The following TRAPPC14 variants were observed in gnomAD, a reference collection of about 807,000 sequenced individuals.
TRAPPC14 encodes the protein microtubule associated protein 11.
A neutral mutation model predicts 56.6 loss-of-function variants in TRAPPC14; 24 were observed. That is an observed-to-expected ratio of 0.42 (90% confidence interval 0.31 to 0.60). TRAPPC14 has a LOEUF of 0.60. Ranked by LOEUF, TRAPPC14 falls within the 20% of genes least tolerant of loss-of-function variation. TRAPPC14 has a pLI of 0.14. For missense variants in TRAPPC14, 615 were observed against 790.3 expected (o/e 0.78, Z 2.66); for synonymous variants, 377 against 347.0 (o/e 1.09, Z -0.96).
At chr7:100,156,785 G>T in intron 6 of TRAPPC14, 60 bp downstream of exon 6, 2 of 1,604,062 alleles carry the variant, frequency 1.2e-6, no homozygotes, top group Non-Finnish European at 1.7e-6. Context: ...TCAGCTGCCT[G>T]GTCTTTCCCT....
rs1798846952 is a variant in TRAPPC14 at position 100,155,072 on chromosome 7, A to G, written c.1682T>C (p.Leu561Ser). Residue 561 changes from leucine (L) to serine (S), a missense_variant, in exon 11 of 11, where the codon TTG becomes TCG. Coordinates refer to ENST00000316937, the MANE Select transcript of TRAPPC14 (RefSeq NM_018275.5). ...PLYLPPDKAV[L>S]SLDKIAKREC... ...GCGCTTGGCAATCTTGTCCAGAGAC[A>G]ACACAGCCTTGTCCGGGGGCAGGTA... 1 of 1,613,974 alleles carries G rather than the reference A, an allele frequency of 6.2e-7. No individual in the cohort carries two copies. Among genetic ancestry groups the G allele is most frequent in the Admixed American group, 1.7e-5 (1 of 59,996 alleles).
chr7:100,155,861 C>T (rs758299762), intron 8 of TRAPPC14, 36 bp from the exon 9 acceptor site: 14 of 1,613,832 alleles, frequency 8.7e-6, no homozygotes, highest in Admixed American at 5.0e-5. Context: ...AACACTACAG[C>T]GTTCCTCATT....
Position 100,157,168 on chromosome 7 carries a change from T to A in TRAPPC14, c.771A>T (p.Arg257=). ...SQEEISIWDI[R]ILPNFNASYL... is the part of the protein sequence containing the mutation. ...AACTGGCGTTGAAGTTGGGGAGGAT[T>A]CGGATATCCCAGATGGAGATTTCCT... Residue 257 remains arginine (R), a synonymous_variant, in exon 5 of 11, where the codon CGA becomes CGT. Coordinates refer to ENST00000316937, the MANE Select transcript of TRAPPC14 (RefSeq NM_018275.5). 1 of 1,614,178 alleles carries A rather than the reference T, an allele frequency of 6.2e-7. No individual in the cohort carries two copies.
At chr7:100,156,117 C>G (rs906740105) in intron 8 of TRAPPC14, 7 of 619,936 alleles carry the variant, frequency 1.1e-5, no homozygotes, top group Non-Finnish European at 2.0e-5. Context: ...GGTCACACAG[C>G]TAGTAAAGGA....
At position 100,156,830 on chromosome 7, in the gene TRAPPC14, G is replaced by A. The variant is rs1216103671; in HGVS notation, c.993+15C>T. The A allele has an allele frequency of 7.4e-6, 12 of 1,613,568 alleles. No homozygotes were observed. The Admixed American group carries it at 1.8e-4, about 25-fold the overall frequency. ...TTATCACTTTTCTTTGAACACACCAGCCCCTTATGCTCACCTCCTTGGCCC... is the reference window on the plus strand; with the variant it reads ...TTATCACTTTTCTTTGAACACACCAACCCCTTATGCTCACCTCCTTGGCCC... On this transcript the variant is annotated intron_variant, in intron 6 of 10. Transcript: ENST00000316937.
Position 100,157,105 on chromosome 7 carries a change from C to T in TRAPPC14, c.834G>A (p.Val278=), listed in dbSNP as rs771516153. 6.2e-7 allele frequency: 1 copy of T among 1,614,198 alleles called. No individual in the cohort carries two copies. The highest frequency in any genetic ancestry group is 1.1e-5 in the South Asian group (1 of 91,088). ...TCCCAGGACCTCACCAGACATTGTC[C>T]ACCAGCAGCACAGAGCCATCGGGCA... The part of the protein sequence containing the change: ...PVMPDGSVLL[V]DNVCHQSGEV... The change falls in exon 5 of 11, where the codon GTG becomes GTA. Residue 278 remains valine (V), a synonymous_variant. Coordinates refer to ENST00000316937, the MANE Select transcript of TRAPPC14 (RefSeq NM_018275.5).
At chr7:100,156,601 G>A (rs776246076) in intron 7 of TRAPPC14, 33 bp downstream of exon 7, 20 of 1,611,232 alleles carry the variant, frequency 1.2e-5, no homozygotes, top group Admixed American at 5.0e-5. Flanking sequence ...CCACAAAGGC[G>A]AACGCCACGA....
In TRAPPC14 at chr7:100,154,847, C is replaced by G. The variant is rs1798839096; in HGVS notation, c.*164G>C. On this transcript the variant is annotated 3_prime_UTR_variant, in exon 11 of 11. Coordinates refer to ENST00000316937, the MANE Select transcript of TRAPPC14 (RefSeq NM_018275.5). ...CCAGCCATGCCCGCCCACTTCACAGCTTCTTCCCCCATCCCTCATCAGCAG... is the reference window on the plus strand; with the variant it reads ...CCAGCCATGCCCGCCCACTTCACAGGTTCTTCCCCCATCCCTCATCAGCAG... 1 of 681,472 alleles carries G rather than the reference C, an allele frequency of 1.5e-6. No individual in the cohort carries two copies. The highest frequency in any genetic ancestry group is 2.6e-6 in the Non-Finnish European group (1 of 392,124). 42.2% of individuals were successfully genotyped at this position (681,472 alleles called of 1,614,324 possible). A position where few individuals can be genotyped will look rare whatever the true frequency, so the allele number is the denominator to read the frequency against.
Position 100,158,311 on chromosome 7 carries a change from G to C in TRAPPC14, c.189C>G (p.Gly63=). The change falls in exon 1 of 11, where the codon GGC becomes GGG. Residue 63 remains glycine (G), a synonymous_variant. Coordinates refer to ENST00000316937, the MANE Select transcript of TRAPPC14 (RefSeq NM_018275.5). ...AGGCTCCTCTGGAGCCCAAGCCCGG[G>C]CCGCCCCCGGTGCCGGACCCCGCAC... ...RGGAGSGTGG[G]PGLGSRGAWA... is the part of the protein sequence containing the mutation. 1 of 1,462,604 alleles carries C rather than the reference G, an allele frequency of 6.8e-7. No homozygotes were observed. The highest frequency in any genetic ancestry group is 9.0e-7 in the Non-Finnish European group (1 of 1,112,910). The allele number at this position is 1,462,604 out of a possible 1,614,324, so 90.6% of individuals were successfully genotyped here.
chr7:100,155,167 G>T lies in TRAPPC14; in HGVS notation c.1590-3C>A. The T allele has an allele frequency of 6.2e-7, 1 of 1,610,514 alleles. No individual in the cohort carries two copies. Among genetic ancestry groups the T allele is most frequent in the South Asian group, 1.1e-5 (1 of 90,738 alleles). On this transcript the variant is annotated splice_polypyrimidine_tract_variant and splice_region_variant and intron_variant, in intron 10 of 10. Coordinates refer to ENST00000316937, the MANE Select transcript of TRAPPC14 (RefSeq NM_018275.5). Reference sequence around the variant, plus strand: ...TGCGCTCCATCACACTGCCCGACCTGGGGGAAGGCAGAGGCTGTGGGCGCT... The same window carrying T: ...TGCGCTCCATCACACTGCCCGACCTTGGGGAAGGCAGAGGCTGTGGGCGCT...
At position 100,158,361 on chromosome 7, in the gene TRAPPC14, GA is replaced by G; in HGVS notation, c.138del (p.Leu47CysfsTer125). ...CCGCCCCGGCAGCGCAACACCAGCA[GA>G]AAACGGACAGTCTCCCCCAAGTACA... ...NHLYLGETVR[F>X]LLVLRCRGGA... On this transcript the variant is annotated frameshift_variant, in exon 1 of 11. Coordinates refer to ENST00000316937, the MANE Select transcript of TRAPPC14 (RefSeq NM_018275.5). LOFTEE classifies it high-confidence loss of function. The G allele has an allele frequency of 6.7e-7, 1 of 1,490,238 alleles. No homozygotes were observed. Among genetic ancestry groups the G allele is most frequent in the Admixed American group, 2.3e-5 (1 of 42,842 alleles). 92.3% of individuals were successfully genotyped at this position (1,490,238 alleles called of 1,614,324 possible).
rs1219577883 is a variant in TRAPPC14 at position 100,157,458 on chromosome 7, C to T, written c.639G>A (p.Val213=). The change falls in exon 4 of 11, where the codon GTG becomes GTA. Residue 213 remains valine (V), a splice_region_variant and synonymous_variant. Coordinates refer to ENST00000316937, the MANE Select transcript of TRAPPC14 (RefSeq NM_018275.5). The stretch of plus-strand genomic sequence containing the variant: ...GGGGCAGCAGAGTCAGCAGCGTGCT[C>T]ACTGCGGGAGGGGGTGGGGGCAAGA... The part of the protein sequence containing the change: ...RGEQSAFKAQ[V]STLLTLLPPP... The T allele has an allele frequency of 1.9e-6, 3 of 1,612,794 alleles. No homozygotes were observed. In the African/African-American group the frequency reaches 4.0e-5, roughly 22 times the overall value.
At position 100,158,107 on chromosome 7, in the gene TRAPPC14, G is replaced by A. The variant is rs1441871216; in HGVS notation, c.393C>T (p.Thr131=). ...TCCTCACCGTGGTCGCTCCCCCTGA[G>A]GTAGCAGGGCCCGGGCCGTGGGTGA... is the stretch of plus-strand genomic sequence containing the variant. ...PLLTHGPGPA[T]SGGATTLPVE... is the part of the protein sequence containing the mutation. The change falls in exon 1 of 11, where the codon ACC becomes ACT. Residue 131 remains threonine (T), a synonymous_variant. Coordinates refer to ENST00000316937, the MANE Select transcript of TRAPPC14 (RefSeq NM_018275.5). 4 of 1,498,958 alleles carry A rather than the reference G, an allele frequency of 2.7e-6. No individual in the cohort carries two copies. Among genetic ancestry groups the A allele is most frequent in the African/African-American group, 2.8e-5 (2 of 70,816 alleles). The allele number at this position is 1,498,958 out of a possible 1,614,324, so 92.9% of individuals were successfully genotyped here.
chr7:100,157,570 C>T, intron 3 of TRAPPC14, 63 bp downstream of exon 3: 1 of 1,607,644 alleles, frequency 6.2e-7, no homozygotes, highest in South Asian at 1.1e-5. Flanking sequence ...TCCAGTGTGA[C>T]CCCTCCCCTC....
chr7:100,155,610 C>T lies in TRAPPC14; in HGVS notation c.1395+61G>A, dbSNP rs1292258984. 7.2e-6 allele frequency: 11 copies of T among 1,527,228 alleles called. No homozygotes were observed. The East Asian group carries it at 1.8e-4, about 25-fold the overall frequency. 94.6% of individuals were successfully genotyped at this position (1,527,228 alleles called of 1,614,324 possible). A position where few individuals can be genotyped will look rare whatever the true frequency, so the allele number is the denominator to read the frequency against. ...TCATCCCCAAAATCTAAGGGTCCTG[C>T]CTCCGTCCACCCCAGCATTCTGCAT... On this transcript the variant is annotated intron_variant, in intron 9 of 10. Coordinates refer to ENST00000316937, the MANE Select transcript of TRAPPC14 (RefSeq NM_018275.5).
At position 100,158,222 on chromosome 7, in the gene TRAPPC14, C is replaced by T; in HGVS notation, c.278G>A (p.Gly93Glu). ...ATCCTGGTCGCCGGCGCCGCCGCCC[C>T]CCGGCATCCCGCCTCCGGCGCTGAC... ...ASVSAGGGMP[G>E]GGGAGDQDSE... Residue 93 changes from glycine (G) to glutamate (E), a missense_variant, in exon 1 of 11, where the codon GGG becomes GAG. Gly to Glu is a moderately conservative substitution (Grantham distance 98). Coordinates refer to ENST00000316937, the MANE Select transcript of TRAPPC14 (RefSeq NM_018275.5). The T allele has an allele frequency of 6.8e-7, 1 of 1,469,750 alleles. No individual in the cohort carries two copies. The highest frequency in any genetic ancestry group is 8.9e-7 in the Non-Finnish European group (1 of 1,118,176). The allele number at this position is 1,469,750 out of a possible 1,614,324, so 91.0% of individuals were successfully genotyped here. A position where few individuals can be genotyped will look rare whatever the true frequency, so the allele number is the denominator to read the frequency against.
chr7:100,157,546 C>G, intron 3 of TRAPPC14, 87 bp from the exon 4 acceptor site: 2 of 1,605,714 alleles, frequency 1.2e-6, no homozygotes, highest in Non-Finnish European at 1.7e-6. Context: ...CTTCTCAGAG[C>G]CCATTAGCCA....
Position 100,157,655 on chromosome 7 carries a change from C to T in TRAPPC14, c.615G>A (p.Glu205=). Residue 205 remains glutamate, a synonymous_variant, in exon 3 of 11, where the codon GAG becomes GAA. Transcript: ENST00000316937. The part of the protein sequence containing the change: ...TRSPGETFRG[E]QSAFKAQVST... The stretch of plus-strand genomic sequence containing the variant: ...CACCTTGGGCCTTGAAAGCGCTCTG[C>T]TCGCCCCGGAATGTCTCCCCAGGAG... 1 of 1,614,222 alleles carries T rather than the reference C, an allele frequency of 6.2e-7. No homozygotes were observed. The highest frequency in any genetic ancestry group is 8.5e-7 in the Non-Finnish European group (1 of 1,180,026).
Position 100,157,140 on chromosome 7 carries a change from G to A in TRAPPC14, c.799C>T (p.Leu267=). The change falls in exon 5 of 11, where the codon CTA becomes TTA. Residue 267 remains leucine, a synonymous_variant. Coordinates refer to ENST00000316937, the MANE Select transcript of TRAPPC14 (RefSeq NM_018275.5). ...ACAGAGCCATCGGGCATGACAGGTA[G>A]ATAACTGGCGTTGAAGTTGGGGAGG... ...RILPNFNASY[L]PVMPDGSVLL... The A allele has an allele frequency of 1.2e-6, 2 of 1,614,236 alleles. No homozygotes were observed. The highest frequency in any genetic ancestry group is 1.1e-5 in the South Asian group (1 of 91,088).
Sources: allele counts gnomAD v4.1 joint callset, GRCh38; gene constraint gnomAD v4.1.1; transcripts MANE v1.5; gene names NCBI Gene and HGNC (gene_info 2026-07-23, HGNC 2026-07-21).